Variants in AP4E1 observed in about 807,000 individuals in gnomAD.
AP4E1 encodes adaptor related protein complex 4 subunit epsilon 1, also known as AP-4 complex subunit epsilon-1.
A neutral mutation model predicts 128.2 loss-of-function variants in AP4E1; 56 were observed. The observed-to-expected ratio is 0.44, with a 90% CI of 0.35 to 0.55. The LOEUF is 0.55. AP4E1 is among the 20% of genes least tolerant of loss of function. The probability of loss-of-function intolerance (pLI) is 0.00; values close to 1 mark genes in which losing one functional copy is unlikely to be tolerated. For missense variants in AP4E1, 1,324 were observed against 1,307.7 expected (o/e 1.01, Z -0.19); for synonymous variants, 484 against 473.1 (o/e 1.02, Z -0.30).
intron 15 of AP4E1, among the ~76,000 whole-genome samples, chr15:50,975,882 G>T (rs976120591): frequency 6.6e-6 from 1 of 152,058 alleles, no homozygotes; most frequent in Non-Finnish European, 1.5e-5. Flanking sequence ...AGGCCATGGT[G>T]GGAGGATCAC....
chr15:50,991,803 A>G (rs1401872653), intron 16 of AP4E1, among the ~76,000 whole-genome samples: 1 of 152,060 alleles, frequency 6.6e-6, no homozygotes, highest in African/African-American at 2.4e-5. Flanking sequence ...TGATTCCAAC[A>G]ATTTCAATAC....
At chr15:50,972,893 A>G (rs2064500707) in intron 15 of AP4E1, among the ~76,000 whole-genome samples, 1 of 152,212 alleles carries the variant, frequency 6.6e-6, no homozygotes, top group Non-Finnish European at 1.5e-5. Context: ...CTCACACAGG[A>G]CACAGCCACA....
chr15:50,908,873 TCTC>T lies in AP4E1; in HGVS notation c.99_101del (p.Ser34del), dbSNP rs1326361328. ...GGGCCCGCGGCCGCCAAGGCGTCCT[TCTC>T]CTCGAGGCTGGGCAGCCTTGTCCGC... On this transcript the variant is annotated inframe_deletion, in exon 1 of 21. Coordinates refer to ENST00000261842, the MANE Select transcript of AP4E1 (RefSeq NM_007347.5). 3 of 1,610,160 alleles carry T rather than the reference TCTC, an allele frequency of 1.9e-6. No homozygotes were observed. In the South Asian group the frequency reaches 3.3e-5, roughly 18 times the overall value.
In AP4E1 at chr15:50,985,159, G is replaced by GT. The variant is rs749887729; in HGVS notation, c.2090+1022dup. On this transcript the variant is annotated intron_variant, in intron 16 of 20. Transcript: ENST00000261842. ...CACCCACTTTTTGATGGGGTTGTTT[G>GT]TTTTTTTTCTTGTAAATTTGTTTGA... Among the ~76,000 whole-genome samples the GT allele has an allele frequency of 0.012, 1,758 of 149,904 alleles. 107 individuals are homozygous for GT. In the East Asian group the frequency reaches 0.2, roughly 17 times the overall value.
In AP4E1 at chr15:50,999,094, G is replaced by A. The variant is rs746928237; in HGVS notation, c.2927G>A (p.Cys976Tyr). The A allele has an allele frequency of 3.1e-6, 5 of 1,613,862 alleles. No homozygotes were observed. The African/African-American group carries it at 4.0e-5, about 13-fold the overall frequency. ...NFKVTEQPGC[C>Y]LPVMEAESTK... Reference sequence around the variant, plus strand: ...CAGGTGACTGAGCAACCTGGATGCTGTTTGCCTGTAATGGAAGCAGAAAGC... The same window carrying A: ...CAGGTGACTGAGCAACCTGGATGCTATTTGCCTGTAATGGAAGCAGAAAGC... The change falls in exon 19 of 21, where the codon TGT becomes TAT. Residue 976 changes from cysteine (C) to tyrosine (Y), a missense_variant. Cys to Tyr is a radical substitution (Grantham distance 194, BLOSUM62 -2). Transcript: ENST00000261842.
chr15:50,965,049 C>A (rs1328621168), intron 14 of AP4E1, among the ~76,000 whole-genome samples: 1 of 151,446 alleles, frequency 6.6e-6, no homozygotes, highest in Admixed American at 6.6e-5. Context: ...TCTGCTTTAC[C>A]TTCCTCCATA....
chr15:50,923,702 C>T (rs1415568954), intron 3 of AP4E1, among the ~76,000 whole-genome samples: 1 of 152,174 alleles, frequency 6.6e-6, no homozygotes, highest in African/African-American at 2.4e-5. Context: ...CACATAGTGT[C>T]TATTCCGTTT....
intron 6 of AP4E1, among the ~76,000 whole-genome samples, chr15:50,930,111 AGGCTG>A (rs2141156285): frequency 1.3e-5 from 2 of 148,592 alleles, no homozygotes; most frequent in East Asian, 4.0e-4. Flanking sequence ...TTTGTTGCCC[AGGCTG>A]GAGTGCAATG....
chr15:50,943,684 G>A (rs772914356), intron 10 of AP4E1, among the ~76,000 whole-genome samples: 1 of 152,156 alleles, frequency 6.6e-6, no homozygotes, highest in Non-Finnish European at 1.5e-5. Flanking sequence ...ATTTATGGAA[G>A]TATGTTCTAA....
chr15:50,972,071 G>C (rs2064486182), intron 15 of AP4E1, among the ~76,000 whole-genome samples: 1 of 152,032 alleles, frequency 6.6e-6, no homozygotes, highest in Admixed American at 6.6e-5. Flanking sequence ...GGAAAAGTTG[G>C]CTCTTTCAAT....
At chr15:50,991,962 CTTTT>C (rs61161776) in intron 16 of AP4E1, among the ~76,000 whole-genome samples, 5 of 126,536 alleles carry the variant, frequency 4.0e-5, no homozygotes, top group Non-Finnish European at 5.1e-5. Flanking sequence ...ACACATAGTT[CTTTT>C]TTTTTTTTTT....
chr15:50,908,364 AAAGGCGCAGCCAGG>A (rs2063519572), upstream of AP4E1, among the ~76,000 whole-genome samples: 1 of 152,070 alleles, frequency 6.6e-6, no homozygotes, highest in Non-Finnish European at 1.5e-5. Flanking sequence ...ACGTCCCGAA[AAAGGCGCAGCCAGG>A]AAGACGCAAC....
In AP4E1 at chr15:50,993,755, A is replaced by G. The variant is rs1377561841; in HGVS notation, c.2346+130A>G. 1.0e-5 allele frequency: 11 copies of G among 1,085,848 alleles called. No individual in the cohort carries two copies. In the East Asian group the frequency reaches 1.9e-4, roughly 19 times the overall value. 67.3% of individuals were successfully genotyped at this position (1,085,848 alleles called of 1,614,324 possible). On this transcript the variant is annotated intron_variant, in intron 17 of 20. Coordinates refer to ENST00000261842, the MANE Select transcript of AP4E1 (RefSeq NM_007347.5). Reference sequence around the variant, plus strand: ...GTGGCTTCCCCAGTTCTTACTCACCATCATTTCCCAGCTCCAGAACCACTA... The same window carrying G: ...GTGGCTTCCCCAGTTCTTACTCACCGTCATTTCCCAGCTCCAGAACCACTA...
At chr15:50,931,324 C>CT (rs11424004) in intron 7 of AP4E1, among the ~76,000 whole-genome samples, 152,299 of 152,300 alleles carry the variant, frequency 1, 76,149 homozygotes, top group Middle Eastern at 1. Context: ...AATCCCAGCA[C>CT]TTGGGAGGCT....
At chr15:50,998,401 G>A (rs1422489503) in intron 18 of AP4E1, among the ~76,000 whole-genome samples, 2 of 151,966 alleles carry the variant, frequency 1.3e-5, no homozygotes, top group East Asian at 1.9e-4. Flanking sequence ...GGAGGCTGAG[G>A]TGGGTGGATC....
intron 10 of AP4E1, among the ~76,000 whole-genome samples, chr15:50,942,228 A>G (rs2063998033): frequency 6.6e-6 from 1 of 152,042 alleles, no homozygotes; most frequent in Admixed American, 6.6e-5. Context: ...ATTTATTTTT[A>G]CTAAAGTTTA....
intron 8 of AP4E1, among the ~76,000 whole-genome samples, chr15:50,939,320 A>G (rs767193649): frequency 1.3e-5 from 2 of 152,192 alleles, no homozygotes; most frequent in Non-Finnish European, 2.9e-5. Flanking sequence ...TAAAAATACA[A>G]AAATTAGCTG....
chr15:50,916,577 A>G (rs2063633327), intron 3 of AP4E1, among the ~76,000 whole-genome samples: 1 of 152,372 alleles, frequency 6.6e-6, no homozygotes, highest in South Asian at 2.1e-4. Flanking sequence ...AGCATTATTC[A>G]TAAGTTATAT....
At chr15:50,946,232 A>G (rs2064059993) in intron 10 of AP4E1, among the ~76,000 whole-genome samples, 1 of 151,936 alleles carries the variant, frequency 6.6e-6, no homozygotes, top group East Asian at 1.9e-4. Context: ...CAACTAACTC[A>G]TTTTTTCCTG....
Sources: allele counts gnomAD v4.1 joint callset (sites outside exome capture counted in the v4.1 genomes callset), GRCh38; gene constraint gnomAD v4.1.1; transcripts MANE v1.5; gene names NCBI Gene and HGNC (gene_info 2026-07-23, HGNC 2026-07-21).